HEPH: variants seen among roughly 807,000 people sequenced by gnomAD.
The protein encoded by HEPH is hephaestin.
A neutral mutation model predicts 80.8 loss-of-function variants in HEPH; 69 were observed. The observed-to-expected ratio is 0.85, with a 90% CI of 0.70 to 1.04. The LOEUF (loss-of-function observed/expected upper bound fraction) is 1.04. HEPH is among the 50% of genes least tolerant of loss of function. The pLI is 0.00. For synonymous variants in HEPH, 431 were observed against 322.8 expected (o/e 1.34, Z -3.60); for missense variants, 1,115 against 891.3 (o/e 1.25, Z -3.20).
At chrX:66,166,350 T>C (rs1188031202) in intron 1 of HEPH, among the ~76,000 whole-genome samples, 14 of 110,477 alleles carry the variant, frequency 1.3e-4, no homozygotes, top group Non-Finnish European at 3.8e-5. Context: ...TGCACCACCA[T>C]GCCCAGCTAA....
chrX:66,187,542 T>C (rs2087531454), intron 4 of HEPH, among the ~76,000 whole-genome samples: 1 of 111,931 alleles, frequency 8.9e-6, no homozygotes, highest in South Asian at 3.8e-4. Context: ...ACCCAGCAAG[T>C]CTACCTGGCT....
intron 5 of HEPH, among the ~76,000 whole-genome samples, chrX:66,188,779 G>A (rs1212111170): frequency 2.7e-5 from 3 of 112,462 alleles, no homozygotes; most frequent in African/African-American, 9.7e-5. Context: ...TGCATAGATT[G>A]TGCTCTTGCC....
At chrX:66,250,166 G>T (rs1602524458) in intron 15 of HEPH, among the ~76,000 whole-genome samples, 1 of 111,188 alleles carries the variant, frequency 9.0e-6, no homozygotes. Flanking sequence ...CTCCTGACTA[G>T]ATTCTAAGAG....
intron 4 of HEPH, among the ~76,000 whole-genome samples, chrX:66,177,301 C>A (rs1440517597): frequency 9.0e-6 from 1 of 111,729 alleles, no homozygotes; most frequent in Non-Finnish European, 1.9e-5. Flanking sequence ...AGGATTGGTA[C>A]CAATTCTTCT....
At chrX:66,261,990 C>T in intron 19 of HEPH, among the ~76,000 whole-genome samples, 1 of 112,252 alleles carries the variant, frequency 8.9e-6, no homozygotes, top group Non-Finnish European at 1.9e-5. Flanking sequence ...ATGAACCATC[C>T]AATATATGAG....
intron 15 of HEPH, among the ~76,000 whole-genome samples, chrX:66,238,375 G>T (rs532534760): frequency 9.0e-6 from 1 of 111,205 alleles, no homozygotes. Context: ...TGCTTATGAA[G>T]CTTAGCTTGG....
intron 15 of HEPH, among the ~76,000 whole-genome samples, chrX:66,231,793 G>A (rs1336146966): frequency 7.6e-5 from 8 of 105,771 alleles, no homozygotes; most frequent in Non-Finnish European, 1.6e-4. Flanking sequence ...TAATTGCCCT[G>A]GCCAGAACTT....
intron 11 of HEPH, 120 bp downstream of exon 11, chrX:66,199,148 G>T: frequency 1.4e-6 from 1 of 693,282 alleles, no homozygotes. Flanking sequence ...TCCAAGAGGC[G>T]AGCTAGATTG....
At chrX:66,207,149 AG>A (rs753139691) in intron 13 of HEPH, 45 bp from the exon 14 acceptor site, 2 of 1,125,272 alleles carry the variant, frequency 1.8e-6, no homozygotes, top group South Asian at 3.9e-5. Flanking sequence ...AATGAAAATG[AG>A]GGGTTGATGG....
At chrX:66,217,591 T>C (rs1090845) in intron 15 of HEPH, among the ~76,000 whole-genome samples, 32,205 of 110,247 alleles carry the variant, frequency 0.29, 4,286 homozygotes, top group African/African-American at 0.52. Flanking sequence ...CCTTAAAGCA[T>C]AAACCTCACA....
chrX:66,207,085 T>C (rs748513893), intron 13 of HEPH, 110 bp from the exon 14 acceptor site: 5 of 583,507 alleles, frequency 8.6e-6, no homozygotes, highest in Non-Finnish European at 9.9e-6. Context: ...CCCCTTTTTT[T>C]TTTCTGTCTG....
chrX:66,178,911 T>C (rs1201824717), intron 4 of HEPH, among the ~76,000 whole-genome samples: 1 of 111,947 alleles, frequency 8.9e-6, no homozygotes, highest in Non-Finnish European at 1.9e-5. Flanking sequence ...TTCACTCTGG[T>C]GGTAGTTTCT....
intron 15 of HEPH, among the ~76,000 whole-genome samples, chrX:66,227,154 C>A (rs952960862): frequency 6.3e-5 from 7 of 111,874 alleles, no homozygotes; most frequent in Non-Finnish European, 1.1e-4. Flanking sequence ...ATGTGATACA[C>A]CACATAAATA....
At chrX:66,235,876 A>AGGAAT (rs754223073) in intron 15 of HEPH, among the ~76,000 whole-genome samples, 28 of 110,997 alleles carry the variant, frequency 2.5e-4, no homozygotes, top group African/African-American at 5.9e-4. Context: ...GCAGTGTTTT[A>AGGAAT]GGAATGGAAT....
chrX:66,226,568 A>G (rs773147959), intron 15 of HEPH, among the ~76,000 whole-genome samples: 57 of 112,356 alleles, frequency 5.1e-4, no homozygotes, highest in African/African-American at 1.7e-3. Flanking sequence ...CAAGAAAATA[A>G]GAGAATCCAA....
At chrX:66,201,582 T>C (rs2088454743) in intron 12 of HEPH, among the ~76,000 whole-genome samples, 1 of 112,040 alleles carries the variant, frequency 8.9e-6, no homozygotes, top group African/African-American at 3.2e-5. Context: ...AGCCATTAGA[T>C]GGCAATAGTG....
At chrX:66,212,873 G>C (rs2089202845) in intron 15 of HEPH, among the ~76,000 whole-genome samples, 1 of 110,348 alleles carries the variant, frequency 9.1e-6, no homozygotes, top group African/African-American at 3.3e-5. Context: ...GAATGACATT[G>C]ATATTTTGAG....
intron 15 of HEPH, among the ~76,000 whole-genome samples, chrX:66,238,951 C>A (rs909689772): frequency 8.9e-6 from 1 of 112,472 alleles, no homozygotes. Flanking sequence ...AGGCACAGAT[C>A]GCTCATGCTA....
At chrX:66,256,909 A>T (rs1270264416) in intron 17 of HEPH, among the ~76,000 whole-genome samples, 5 of 111,921 alleles carry the variant, frequency 4.5e-5, no homozygotes, top group Non-Finnish European at 7.5e-5. Context: ...TTTTGGAGAG[A>T]AATTGTGCAT....
Sources: gnomAD v4.1 joint callset for allele counts (sites outside exome capture counted in the v4.1 genomes callset) on GRCh38, gnomAD v4.1.1 for gene constraint, MANE v1.5 for transcripts, NCBI Gene and HGNC (gene_info 2026-07-23, HGNC 2026-07-21) for gene names.